Variants in TENM3 observed in about 807,000 individuals in gnomAD.
TENM3 encodes the protein teneurin-3.
A neutral mutation model predicts 255.1 loss-of-function variants in TENM3; 63 were observed. The ratio of observed to expected loss-of-function variants is 0.25; its 90% CI spans 0.20 to 0.30. TENM3 has a LOEUF of 0.30. Among genes scored for constraint, TENM3 ranks in the 10% least tolerant of loss-of-function variants. TENM3 has a pLI of 1.00. For synonymous variants in TENM3, 1,306 were observed against 1,322.3 expected, an observed-to-expected ratio of 0.99 and a Z score of 0.27; for missense variants, 2,929 against 3,461.1, an observed-to-expected ratio of 0.85 and a Z score of 3.86.
chr4:182,403,115 G>A (rs1437734458), intron 3 of TENM3, among the ~76,000 whole-genome samples: 1 of 152,136 alleles, frequency 6.6e-6, no homozygotes, highest in Non-Finnish European at 1.5e-5. Flanking sequence ...CCGAAGCTGG[G>A]CTCTTCAATA....
the TENM3 span, among the ~76,000 whole-genome samples, chr4:181,950,595 A>C: frequency 6.6e-6 from 1 of 152,336 alleles, no homozygotes; most frequent in East Asian, 1.9e-4. Flanking sequence ...AGCACCCTGG[A>C]CAGTGCCCAA....
chr4:182,084,689 A>T, the TENM3 span, among the ~76,000 whole-genome samples: 1 of 152,212 alleles, frequency 6.6e-6, no homozygotes, highest in African/African-American at 2.4e-5. Flanking sequence ...GACTATCATT[A>T]AAAAATGAAG....
chr4:181,754,395 T>A, the TENM3 span, among the ~76,000 whole-genome samples: 14 of 151,902 alleles, frequency 9.2e-5, no homozygotes, highest in African/African-American at 3.1e-4. Flanking sequence ...TAAAATAAAC[T>A]ATTTTTGTCA....
At chr4:181,692,872 A>G in the TENM3 span, among the ~76,000 whole-genome samples, 1 of 152,218 alleles carries the variant, frequency 6.6e-6, no homozygotes, top group African/African-American at 2.4e-5. Context: ...GTTAGATGAG[A>G]TCAGCTGTGC....
intron 3 of TENM3, among the ~76,000 whole-genome samples, chr4:182,470,963 T>C (rs1733065671): frequency 6.6e-6 from 1 of 152,196 alleles, no homozygotes; most frequent in East Asian, 1.9e-4. Context: ...TATTATTTTT[T>C]AGTATAGAAA....
chr4:181,978,037 AAAAT>A, the TENM3 span, among the ~76,000 whole-genome samples: 2 of 152,242 alleles, frequency 1.3e-5, no homozygotes, highest in Admixed American at 1.3e-4. Context: ...CAAAGAGAAT[AAAAT>A]AGTTTTAACA....
At chr4:181,582,861 G>A in the TENM3 span, among the ~76,000 whole-genome samples, 2 of 152,136 alleles carry the variant, frequency 1.3e-5, no homozygotes, top group African/African-American at 2.4e-5. Flanking sequence ...TGGATGTAAG[G>A]TAGGAAGGAT....
At chr4:182,021,984 A>G in the TENM3 span, among the ~76,000 whole-genome samples, 3 of 152,172 alleles carry the variant, frequency 2.0e-5, no homozygotes, top group Non-Finnish European at 4.4e-5. Flanking sequence ...CAGTTTGGAA[A>G]TTTCTCAAAG....
chr4:181,903,638 T>A, the TENM3 span, among the ~76,000 whole-genome samples: 483 of 152,346 alleles, frequency 3.2e-3, no homozygotes, highest in Non-Finnish European at 5.2e-3. Flanking sequence ...AGTGCAGGAC[T>A]TGCAAAATAT....
At chr4:182,719,376 C>T (rs1286050477) in intron 13 of TENM3, among the ~76,000 whole-genome samples, 1 of 149,108 alleles carries the variant, frequency 6.7e-6, no homozygotes, top group African/African-American at 2.5e-5. Flanking sequence ...ATTCTCCTGC[C>T]TCAGCCTCCC....
the TENM3 span, among the ~76,000 whole-genome samples, chr4:181,742,192 GA>G: frequency 4.6e-5 from 7 of 151,580 alleles, no homozygotes; most frequent in South Asian, 4.2e-4. Context: ...GAAATATATA[GA>G]AAAAAAGTAA....
At chr4:181,790,650 A>G in the TENM3 span, among the ~76,000 whole-genome samples, 1 of 152,230 alleles carries the variant, frequency 6.6e-6, no homozygotes, top group African/African-American at 2.4e-5. Flanking sequence ...AGACATTTCA[A>G]TCTAGACCCA....
chr4:182,125,223 C>T, the TENM3 span, among the ~76,000 whole-genome samples: 2 of 151,538 alleles, frequency 1.3e-5, no homozygotes, highest in African/African-American at 2.4e-5. Flanking sequence ...CATTGCCCAG[C>T]GCATCCACGC....
the TENM3 span, among the ~76,000 whole-genome samples, chr4:181,602,224 T>C: frequency 1.3e-5 from 2 of 152,184 alleles, no homozygotes; most frequent in Admixed American, 6.5e-5. Context: ...TTTTCCAAAG[T>C]GCATGTAACA....
At chr4:182,378,793 G>A (rs769692351) in intron 3 of TENM3, among the ~76,000 whole-genome samples, 4 of 152,108 alleles carry the variant, frequency 2.6e-5, no homozygotes, top group Non-Finnish European at 4.4e-5. Flanking sequence ...ATTGCAATAG[G>A]AAGCCATGAA....
the TENM3 span, among the ~76,000 whole-genome samples, chr4:182,108,389 T>C: frequency 6.6e-6 from 1 of 152,210 alleles, no homozygotes; most frequent in Non-Finnish European, 1.5e-5. Flanking sequence ...CTTCGTTTCC[T>C]GGAAGCAAAG....
chr4:181,951,676 T>C, the TENM3 span, among the ~76,000 whole-genome samples: 3 of 152,244 alleles, frequency 2.0e-5, no homozygotes, highest in African/African-American at 4.8e-5. Context: ...AAGATATCTA[T>C]TAACTGTTTA....
At chr4:181,954,309 A>C in the TENM3 span, among the ~76,000 whole-genome samples, 1 of 152,196 alleles carries the variant, frequency 6.6e-6, no homozygotes. Context: ...TTATTGAGTC[A>C]TATACTAAAT....
chr4:182,409,126 G>C (rs993870411), intron 3 of TENM3, among the ~76,000 whole-genome samples: 45 of 152,192 alleles, frequency 3.0e-4, no homozygotes, highest in African/African-American at 1.1e-3. Flanking sequence ...GGCTCCTGGA[G>C]ACATCCACTT....
Sources: allele counts gnomAD v4.1 joint callset (sites outside exome capture counted in the v4.1 genomes callset), GRCh38; gene constraint gnomAD v4.1.1; transcripts MANE v1.5; gene names NCBI Gene and HGNC (gene_info 2026-07-23, HGNC 2026-07-21).